SIPA1L2: variants seen among roughly 807,000 people sequenced by gnomAD.
SIPA1L2 encodes signal-induced proliferation-associated 1-like protein 2.
Under a neutral mutation model 163.9 loss-of-function variants are expected in SIPA1L2, and 56 were observed. The ratio of observed to expected loss-of-function variants is 0.34; its 90% CI spans 0.28 to 0.43. SIPA1L2 has a LOEUF of 0.43. Ranked by LOEUF, SIPA1L2 falls within the 20% of genes least tolerant of loss-of-function variation. The pLI, the probability that SIPA1L2 is intolerant of heterozygous loss-of-function variation, is 1.00. For synonymous variants in SIPA1L2, 877 were observed against 865.7 expected (o/e 1.01, Z -0.23); for missense variants, 1,974 against 2,193.5 (o/e 0.90, Z 2.00).
chr1:232,478,985 T>C (rs896760497), intron 7 of SIPA1L2, among the ~76,000 whole-genome samples: 17 of 152,226 alleles, frequency 1.1e-4, no homozygotes, highest in Admixed American at 6.5e-5. Flanking sequence ...ATTTCAACTA[T>C]TTCTAGCGTA....
At chr1:232,628,251 T>C (rs920088597) in intron 1 of SIPA1L2, among the ~76,000 whole-genome samples, 1 of 152,146 alleles carries the variant, frequency 6.6e-6, no homozygotes, top group Non-Finnish European at 1.5e-5. Context: ...TGGGGAGATG[T>C]CCCTAACACA....
At chr1:232,412,660 T>C (rs949237807) in intron 19 of SIPA1L2, among the ~76,000 whole-genome samples, 3 of 152,168 alleles carry the variant, frequency 2.0e-5, no homozygotes, top group Non-Finnish European at 4.4e-5. Flanking sequence ...GGATACAACC[T>C]GAGGCAACAC....
intron 12 of SIPA1L2, among the ~76,000 whole-genome samples, chr1:232,442,278 G>A (rs1045739214): frequency 7.9e-5 from 12 of 151,438 alleles, no homozygotes; most frequent in Non-Finnish European, 1.6e-4. Flanking sequence ...GGCCGGGCAC[G>A]GTGGCTCCTG....
intron 2 of SIPA1L2, among the ~76,000 whole-genome samples, chr1:232,517,536 T>G (rs1461296330): frequency 6.6e-6 from 1 of 152,212 alleles, no homozygotes; most frequent in Non-Finnish European, 1.5e-5. Flanking sequence ...AAACTAGGAT[T>G]AGCGAGAATA....
At chr1:232,405,927 A>G (rs148042050) in intron 19 of SIPA1L2, among the ~76,000 whole-genome samples, 1 of 152,336 alleles carries the variant, frequency 6.6e-6, no homozygotes, top group African/African-American at 2.4e-5. Flanking sequence ...TCCTACAGGC[A>G]GTCATTCAGA....
At chr1:232,483,209 G>A (rs1304764582) in intron 6 of SIPA1L2, among the ~76,000 whole-genome samples, 2 of 151,886 alleles carry the variant, frequency 1.3e-5, no homozygotes, top group Non-Finnish European at 2.9e-5. Context: ...TCCCACTCAA[G>A]GGGATCTAAA....
intron 2 of SIPA1L2, among the ~76,000 whole-genome samples, chr1:232,566,699 A>C (rs1481133508): frequency 6.6e-6 from 1 of 152,234 alleles, no homozygotes; most frequent in Non-Finnish European, 1.5e-5. Flanking sequence ...CTTAAGTTGA[A>C]GATTCGGCAA....
chr1:232,402,536 AGTTTTCACTC>A, intron 21 of SIPA1L2, 63 bp from the exon 22 acceptor site: 1 of 1,440,550 alleles, frequency 6.9e-7, no homozygotes, highest in Admixed American at 1.9e-5. Flanking sequence ...TTGTTGGTCA[AGTTTTCACTC>A]GAAAAAATTA....
rs1464220363 is a variant in SIPA1L2 at position 232,439,362 on chromosome 1, T to C, written c.3777A>G (p.Lys1259=). ...DPELLGLTYI[K]GASTDSGIDT... is the part of the protein sequence containing the mutation. Reference sequence around the variant, plus strand: ...CGATGCCACTGTCGGTGGAGGCCCCTTTGATGTAGGTCAGCCCCAGTAATT... The same window carrying C: ...CGATGCCACTGTCGGTGGAGGCCCCCTTGATGTAGGTCAGCCCCAGTAATT... The change falls in exon 15 of 23, where the codon AAA becomes AAG. Residue 1259 remains lysine (K), a synonymous_variant. Coordinates refer to ENST00000674635, the MANE Select transcript of SIPA1L2 (RefSeq NM_020808.5). 6.2e-7 allele frequency: 1 copy of C among 1,614,112 alleles called. No individual in the cohort carries two copies. Among genetic ancestry groups the C allele is most frequent in the Admixed American group, 1.7e-5 (1 of 60,018 alleles).
chr1:232,482,784 G>A (rs1665429601), intron 6 of SIPA1L2, among the ~76,000 whole-genome samples: 1 of 152,134 alleles, frequency 6.6e-6, no homozygotes, highest in African/African-American at 2.4e-5. Flanking sequence ...GAGAATAGAA[G>A]GCAGGAAGAC....
At chr1:232,422,884 T>C (rs540088342) in intron 18 of SIPA1L2, among the ~76,000 whole-genome samples, 1 of 152,314 alleles carries the variant, frequency 6.6e-6, no homozygotes, top group South Asian at 2.1e-4. Flanking sequence ...TGGTATCTTC[T>C]TAGAGAGGGT....
intron 10 of SIPA1L2, 138 bp from the exon 11 acceptor site, chr1:232,445,924 C>T (rs1356635241): frequency 1.2e-6 from 1 of 810,194 alleles, no homozygotes; most frequent in Non-Finnish European, 2.0e-6. Context: ...GCAGAGCGAT[C>T]CACCCTTAGG....
intron 2 of SIPA1L2, among the ~76,000 whole-genome samples, chr1:232,542,207 G>T (rs918713067): frequency 3.9e-5 from 6 of 152,170 alleles, no homozygotes; most frequent in African/African-American, 1.2e-4. Context: ...TCTGAAAAAT[G>T]ATCATTTTAA....
chr1:232,402,270 TTATC>T (rs1296315311), intron 22 of SIPA1L2, 118 bp downstream of exon 22: 1 of 717,152 alleles, frequency 1.4e-6, no homozygotes, highest in Non-Finnish European at 2.2e-6. Context: ...CTGTTGGTAT[TTATC>T]ATTGGTTTTT....
chr1:232,536,876 A>C (rs955696592), intron 2 of SIPA1L2, among the ~76,000 whole-genome samples: 2 of 152,210 alleles, frequency 1.3e-5, no homozygotes, highest in Non-Finnish European at 2.9e-5. Context: ...TTATGGCTGA[A>C]GATGTTTTAT....
intron 1 of SIPA1L2, among the ~76,000 whole-genome samples, chr1:232,614,312 G>A (rs1430009269): frequency 6.6e-6 from 1 of 152,140 alleles, no homozygotes; most frequent in East Asian, 1.9e-4. Flanking sequence ...GCATGTTAAT[G>A]TAGGATTTCA....
chr1:232,445,587 C>T lies in SIPA1L2; in HGVS notation c.3295G>A (p.Ala1099Thr). The T allele has an allele frequency of 4.3e-6, 7 of 1,613,950 alleles. No individual in the cohort carries two copies. The highest frequency in any genetic ancestry group is 5.9e-6 in the Non-Finnish European group (7 of 1,180,002). The change falls in exon 11 of 23, where the codon GCC becomes ACC. Residue 1099 changes from alanine to threonine, a missense_variant. Physicochemically the swap from Ala to Thr is moderately conservative, Grantham distance 58. This residue lies in a region of SIPA1L2 where 1,079 missense variants were observed against 1,150.7 expected (regional missense o/e 0.94). Coordinates refer to ENST00000674635, the MANE Select transcript of SIPA1L2 (RefSeq NM_020808.5). ...RLPCQQLLQQ[A>T]QAAIPRSTSF... ...GTGCTTCGAGGAATGGCAGCCTGGG[C>T]CTGCTGGAGCAGCTGTTGGCACGGC...
At chr1:232,610,134 C>T (rs56059754) in intron 1 of SIPA1L2, among the ~76,000 whole-genome samples, 6,501 of 151,920 alleles carry the variant, frequency 0.043, 343 homozygotes, top group African/African-American at 0.11. Flanking sequence ...TGGAAGTTTA[C>T]GTCTGTTAAA....
At chr1:232,591,792 G>A (rs1024423330) in intron 1 of SIPA1L2, among the ~76,000 whole-genome samples, 15 of 152,288 alleles carry the variant, frequency 9.8e-5, no homozygotes, top group African/African-American at 2.6e-4. Flanking sequence ...GTCAGTGAAC[G>A]GAGGTTGCTC....
Sources: gnomAD v4.1 joint callset for allele counts (sites outside exome capture counted in the v4.1 genomes callset) on GRCh38, gnomAD v4.1.1 for gene constraint, gnomAD v4.1.1 regional missense constraint, MANE v1.5 for transcripts, NCBI Gene and HGNC (gene_info 2026-07-23, HGNC 2026-07-21) for gene names.